Variants in CDH8 observed in about 807,000 individuals in gnomAD.
CDH8 encodes cadherin 8.
CDH8 carries 17 observed loss-of-function variants against 68.1 expected under a neutral mutation model. The observed-to-expected ratio is 0.25, with a 90% CI of 0.17 to 0.37. The LOEUF (loss-of-function observed/expected upper bound fraction) is 0.37, where lower values mean the gene tolerates loss of function less well. Ranked by LOEUF, CDH8 falls within the 10% of genes least tolerant of loss-of-function variation. CDH8 has a pLI of 1.00. For missense variants in CDH8, 763 were observed against 999.3 expected (o/e 0.76, Z 3.19); for synonymous variants, 372 against 365.1 (o/e 1.02, Z -0.21).
intron 9 of CDH8, among the ~76,000 whole-genome samples, chr16:61,722,766 T>C (rs575704191): frequency 6.6e-6 from 1 of 150,962 alleles, no homozygotes; most frequent in South Asian, 2.1e-4. Context: ...GAAGTATAAG[T>C]GACTACCTTT....
chr16:61,703,606 C>T (rs541497060), intron 10 of CDH8, among the ~76,000 whole-genome samples: 2 of 152,042 alleles, frequency 1.3e-5, no homozygotes, highest in East Asian at 1.9e-4. Flanking sequence ...TTTGGGAGGC[C>T]GAGGCGCATG....
intron 7 of CDH8, among the ~76,000 whole-genome samples, chr16:61,798,929 G>A (rs1034696865): frequency 6.6e-6 from 1 of 152,130 alleles, no homozygotes; most frequent in Non-Finnish European, 1.5e-5. Context: ...AGCAAAAGAT[G>A]ACTAAATATT....
chr16:61,900,133 C>CT (rs773479974), intron 3 of CDH8, among the ~76,000 whole-genome samples: 5 of 151,968 alleles, frequency 3.3e-5, no homozygotes, highest in Admixed American at 1.3e-4. Flanking sequence ...GATCATATTT[C>CT]TTTTTTTTAT....
rs183578447 is a variant in CDH8 at position 61,790,381 on chromosome 16, T to A, written c.1278-899A>T. Among the ~76,000 whole-genome samples, 242 of 152,146 alleles carry A rather than the reference T, an allele frequency of 1.6e-3. 1 individual carries two copies. The highest frequency in any genetic ancestry group is 2.2e-3 in the Non-Finnish European group (151 of 67,948). On this transcript the variant is annotated intron_variant, in intron 7 of 11. Coordinates refer to ENST00000577390, the MANE Select transcript of CDH8 (RefSeq NM_001796.5). ...GGCTATGGAATGCTGGACCCAATAA[T>A]CTTTAAGTTTTAAAGACTACAAGGT...
At chr16:61,952,359 T>C (rs879347789) in intron 2 of CDH8, among the ~76,000 whole-genome samples, 5 of 152,216 alleles carry the variant, frequency 3.3e-5, no homozygotes, top group Admixed American at 2.0e-4. Context: ...GACAGACTTA[T>C]GGTTTTACTT....
chr16:61,835,039 GA>G (rs1360687771), intron 4 of CDH8, among the ~76,000 whole-genome samples: 1 of 151,858 alleles, frequency 6.6e-6, no homozygotes, highest in African/African-American at 2.4e-5. Context: ...TATCTCCGCA[GA>G]ATGCTTAGTA....
At chr16:61,782,135 C>T (rs1961076433) in intron 8 of CDH8, among the ~76,000 whole-genome samples, 1 of 152,150 alleles carries the variant, frequency 6.6e-6, no homozygotes, top group African/African-American at 2.4e-5. Context: ...CCAGCGTGAG[C>T]GACGCAGAAG....
At chr16:61,883,176 C>T (rs1257266874) in intron 3 of CDH8, among the ~76,000 whole-genome samples, 7 of 152,046 alleles carry the variant, frequency 4.6e-5, no homozygotes, top group Non-Finnish European at 8.8e-5. Context: ...TATACCAAAA[C>T]GTAAACATGC....
chr16:61,775,633 G>A (rs1369662123), intron 8 of CDH8, among the ~76,000 whole-genome samples: 1 of 151,994 alleles, frequency 6.6e-6, no homozygotes, highest in African/African-American at 2.4e-5. Context: ...GCTGCATCTT[G>A]TAACATTGAG....
chr16:61,807,392 C>T (rs1005982193), intron 7 of CDH8, among the ~76,000 whole-genome samples: 2 of 151,340 alleles, frequency 1.3e-5, no homozygotes, highest in African/African-American at 2.4e-5. Flanking sequence ...TTAGTGGGTG[C>T]AGCGCACCAG....
At chr16:61,710,731 G>T (rs1196710013) in intron 10 of CDH8, 1 of 151,944 alleles carries the variant, frequency 6.6e-6, no homozygotes, top group Non-Finnish European at 1.5e-5. Context: ...ACGGTGCTCT[G>T]GCAATTTGAA....
chr16:61,670,164 C>T (rs1455927463), intron 10 of CDH8, among the ~76,000 whole-genome samples: 14 of 152,188 alleles, frequency 9.2e-5, no homozygotes, highest in East Asian at 7.7e-4. Context: ...ATCCAATAAA[C>T]TCACTTCTTC....
At chr16:61,705,605 G>C (rs1487985027) in intron 10 of CDH8, among the ~76,000 whole-genome samples, 3 of 152,132 alleles carry the variant, frequency 2.0e-5, no homozygotes, top group Non-Finnish European at 4.4e-5. Flanking sequence ...CTCAGAGGGA[G>C]AATTAGCTGT....
Position 61,690,575 on chromosome 16 carries a change from T to C in CDH8, c.1654+23266A>G, listed in dbSNP as rs542132725. Among the ~76,000 whole-genome samples the C allele has an allele frequency of 9.2e-5, 14 of 152,186 alleles. No individual in the cohort carries two copies. The South Asian group carries it at 2.7e-3, about 29-fold the overall frequency. On this transcript the variant is annotated intron_variant, in intron 10 of 11. Coordinates refer to ENST00000577390, the MANE Select transcript of CDH8 (RefSeq NM_001796.5). ...TTTGTACACTTTTGATAAGCACACA[T>C]ACCTTTATATTATAGTAGCTATTGA...
intron 8 of CDH8, among the ~76,000 whole-genome samples, chr16:61,731,374 C>T (rs1959531632): frequency 6.6e-6 from 1 of 151,620 alleles, no homozygotes; most frequent in Non-Finnish European, 1.5e-5. Context: ...CAAATTTGAA[C>T]AGATCATACC....
intron 3 of CDH8, among the ~76,000 whole-genome samples, chr16:61,877,261 C>G (rs1963478473): frequency 6.6e-6 from 1 of 151,234 alleles, no homozygotes. Flanking sequence ...ATACTTGGAA[C>G]TGACAAATTC....
At chr16:61,954,946 C>A (rs1012928121) in intron 2 of CDH8, among the ~76,000 whole-genome samples, 1 of 152,010 alleles carries the variant, frequency 6.6e-6, no homozygotes, top group Non-Finnish European at 1.5e-5. Flanking sequence ...CATAATGAAC[C>A]ACCATTATTT....
chr16:61,681,835 C>A (rs142635483), intron 10 of CDH8, among the ~76,000 whole-genome samples: 1 of 151,902 alleles, frequency 6.6e-6, no homozygotes, highest in African/African-American at 2.4e-5. Context: ...ATCCACAGAA[C>A]GTTCCTTTGA....
At chr16:61,886,471 T>C (rs1276679189) in intron 3 of CDH8, among the ~76,000 whole-genome samples, 2 of 152,216 alleles carry the variant, frequency 1.3e-5, no homozygotes, top group Admixed American at 6.5e-5. Context: ...ACTTTATATT[T>C]CTCAGGAAAT....
Sources: allele counts gnomAD v4.1 joint callset (sites outside exome capture counted in the v4.1 genomes callset), GRCh38; gene constraint gnomAD v4.1.1; transcripts MANE v1.5; gene names NCBI Gene and HGNC (gene_info 2026-07-23, HGNC 2026-07-21).